The following THSD4 variants were observed in gnomAD, a reference collection of about 807,000 sequenced individuals.
THSD4 encodes the protein thrombospondin type-1 domain-containing protein 4.
A neutral mutation model predicts 119.0 loss-of-function variants in THSD4; 69 were observed. That is an observed-to-expected ratio of 0.58 (90% confidence interval 0.48 to 0.71). The LOEUF (loss-of-function observed/expected upper bound fraction) is 0.71, where lower values mean the gene tolerates loss of function less well. THSD4 is among the 30% of genes least tolerant of loss of function. The pLI is 0.00. For missense variants in THSD4, 1,393 were observed against 1,391.1 expected (o/e 1.00, Z -0.02); for synonymous variants, 524 against 540.4 (o/e 0.97, Z 0.42).
At chr15:71,211,359 G>A (rs187483241) in intron 3 of THSD4, among the ~76,000 whole-genome samples, 61 of 152,258 alleles carry the variant, frequency 4.0e-4, no homozygotes, top group African/African-American at 1.3e-3. Context: ...GGTGTTGAGC[G>A]ATTTAGTTTC....
At chr15:71,684,571 G>A (rs72742775) in intron 8 of THSD4, among the ~76,000 whole-genome samples, 12,841 of 149,116 alleles carry the variant, frequency 0.086, 846 homozygotes, top group East Asian at 0.29. Flanking sequence ...ACCTACTTAC[G>A]TTATTTTTTC....
At chr15:71,329,388 T>G (rs895885869) in intron 6 of THSD4, among the ~76,000 whole-genome samples, 1 of 152,112 alleles carries the variant, frequency 6.6e-6, no homozygotes, top group Admixed American at 6.5e-5. Context: ...AAGTTCAAGT[T>G]GGAGAGAAAG....
chr15:71,239,562 C>G (rs2044135176), intron 4 of THSD4, among the ~76,000 whole-genome samples: 1 of 152,214 alleles, frequency 6.6e-6, no homozygotes, highest in African/African-American at 2.4e-5. Context: ...ATTTCTTTCT[C>G]AAGACATAAC....
chr15:71,164,651 G>A, intron 3 of THSD4: 1 of 1,495,322 alleles, frequency 6.7e-7, no homozygotes, highest in Non-Finnish European at 8.9e-7. Context: ...ACACTGTACA[G>A]TTTAAAAACA....
intron 4 of THSD4, among the ~76,000 whole-genome samples, chr15:71,219,525 C>T (rs2043958629): frequency 6.6e-6 from 1 of 152,154 alleles, no homozygotes. Context: ...GTTATATGTT[C>T]TACGTTTCTT....
At chr15:71,183,460 C>G (rs1181454420) in intron 3 of THSD4, among the ~76,000 whole-genome samples, 2 of 151,650 alleles carry the variant, frequency 1.3e-5, no homozygotes, top group East Asian at 3.8e-4. Context: ...GGGCAAGGTC[C>G]AGTGCCTCAG....
intron 8 of THSD4, among the ~76,000 whole-genome samples, chr15:71,686,065 A>T (rs1030285251): frequency 1.3e-5 from 2 of 152,212 alleles, no homozygotes; most frequent in Non-Finnish European, 2.9e-5. Flanking sequence ...AGAAATTTTT[A>T]AAACTTTATG....
intron 7 of THSD4, among the ~76,000 whole-genome samples, chr15:71,602,383 G>C (rs1458675411): frequency 6.6e-6 from 1 of 151,426 alleles, no homozygotes; most frequent in Non-Finnish European, 1.5e-5. Context: ...GAGAAACCCC[G>C]TCTCTACTAA....
At chr15:71,719,528 T>C (rs914660561) in intron 8 of THSD4, among the ~76,000 whole-genome samples, 4 of 152,198 alleles carry the variant, frequency 2.6e-5, no homozygotes, top group African/African-American at 9.6e-5. Context: ...GAAGGACATT[T>C]TGGAGATTAG....
intron 8 of THSD4, among the ~76,000 whole-genome samples, chr15:71,670,953 A>G (rs1285788465): frequency 1.3e-5 from 2 of 152,216 alleles, no homozygotes; most frequent in Non-Finnish European, 1.5e-5. Flanking sequence ...TAGTGCCGCA[A>G]TAAACATACG....
rs188527984 is a variant in THSD4, at chr15:71,497,241, G to A, written c.1152+85418G>A. On this transcript the variant is annotated intron_variant, in intron 7 of 17. Coordinates refer to ENST00000261862, the MANE Select transcript of THSD4 (RefSeq NM_024817.3). Reference sequence around the variant, plus strand: ...GAAAGGTATATATGTGGCCGGGCACGGTGGCTTATGCCTATAATCCCAGCA... The same window carrying A: ...GAAAGGTATATATGTGGCCGGGCACAGTGGCTTATGCCTATAATCCCAGCA... Among the ~76,000 whole-genome samples the A allele has an allele frequency of 2.6e-5, 4 of 152,288 alleles. No individual in the cohort carries two copies. The East Asian group carries it at 5.8e-4, about 22-fold the overall frequency.
At chr15:71,603,134 A>C (rs2050044770) in intron 7 of THSD4, among the ~76,000 whole-genome samples, 1 of 152,270 alleles carries the variant, frequency 6.6e-6, no homozygotes, top group South Asian at 2.1e-4. Context: ...GATGTCTGAC[A>C]GGTACAATGT....
chr15:71,219,414 G>A (rs527403044), intron 4 of THSD4, among the ~76,000 whole-genome samples: 2 of 152,296 alleles, frequency 1.3e-5, no homozygotes, highest in South Asian at 2.1e-4. Context: ...TGGTGAGCAC[G>A]TATCAGAATC....
chr15:71,377,880 A>G (rs1296698915), intron 6 of THSD4, among the ~76,000 whole-genome samples: 1 of 77,234 alleles, frequency 1.3e-5, no homozygotes, highest in African/African-American at 5.4e-5. Context: ...ACACACACAC[A>G]CACACACACA....
chr15:71,669,954 T>A (rs927648550), intron 8 of THSD4, among the ~76,000 whole-genome samples: 3 of 152,212 alleles, frequency 2.0e-5, no homozygotes, highest in Non-Finnish European at 4.4e-5. Context: ...AAGACTCCAA[T>A]ATGTATCAGT....
At chr15:71,344,295 G>A (rs532226189) in intron 6 of THSD4, among the ~76,000 whole-genome samples, 1 of 152,040 alleles carries the variant, frequency 6.6e-6, no homozygotes, top group Admixed American at 6.6e-5. Context: ...CACCCGCCTC[G>A]GCCCCCCAAA....
chr15:71,756,265 G>C (rs745957497), intron 14 of THSD4, among the ~76,000 whole-genome samples: 1 of 152,182 alleles, frequency 6.6e-6, no homozygotes, highest in Non-Finnish European at 1.5e-5. Flanking sequence ...ATGGAAAGGG[G>C]CAAGACAGGT....
At chr15:71,749,870 G>A (rs923773908) in intron 14 of THSD4, among the ~76,000 whole-genome samples, 3 of 151,804 alleles carry the variant, frequency 2.0e-5, no homozygotes, top group African/African-American at 7.3e-5. Context: ...CAACGTAGGT[G>A]GGACTATAGG....
intron 4 of THSD4, among the ~76,000 whole-genome samples, chr15:71,234,676 C>T (rs1890595013): frequency 6.6e-6 from 1 of 152,212 alleles, no homozygotes; most frequent in South Asian, 2.1e-4. Context: ...GTAGTGTAAG[C>T]TCTACCTCTG....
Sources: gnomAD v4.1 joint callset for allele counts (sites outside exome capture counted in the v4.1 genomes callset) on GRCh38, gnomAD v4.1.1 for gene constraint, MANE v1.5 for transcripts, NCBI Gene and HGNC (gene_info 2026-07-23, HGNC 2026-07-21) for gene names.